The following PTPRD variants were observed in gnomAD, a reference collection of about 807,000 sequenced individuals.
The protein encoded by PTPRD is protein tyrosine phosphatase receptor type D, also known as receptor-type tyrosine-protein phosphatase delta.
Under a neutral mutation model 214.5 loss-of-function variants are expected in PTPRD, and 34 were observed. That is an observed-to-expected ratio of 0.16 (90% CI 0.12 to 0.21). The LOEUF is 0.21. Among genes scored for constraint, PTPRD ranks in the 10% least tolerant of loss-of-function variants. PTPRD has a pLI of 1.00. For missense variants in PTPRD, 2,545 were observed against 2,398.7 expected (o/e 1.06, Z -1.27); for synonymous variants, 1,128 against 845.7 (o/e 1.33, Z -5.79).
chr9:10,478,601 A>G (rs1261082689), intron 2 of PTPRD, among the ~76,000 whole-genome samples: 1 of 152,170 alleles, frequency 6.6e-6, no homozygotes, highest in Non-Finnish European at 1.5e-5. Context: ...GAAGTAGTTC[A>G]GTTTGTCTGA....
At chr9:9,024,177 G>C (rs1340184456) in intron 10 of PTPRD, among the ~76,000 whole-genome samples, 1 of 151,416 alleles carries the variant, frequency 6.6e-6, no homozygotes, top group Admixed American at 6.6e-5. Context: ...TTCATTAATA[G>C]TGCTATGTTC....
intron 5 of PTPRD, among the ~76,000 whole-genome samples, chr9:9,904,464 T>G (rs2077092568): frequency 2.0e-5 from 3 of 152,114 alleles, no homozygotes. Context: ...CACTTTTTGT[T>G]ATTCTGAATC....
chr9:10,485,273 G>T (rs911610892), intron 2 of PTPRD, among the ~76,000 whole-genome samples: 2 of 151,992 alleles, frequency 1.3e-5, no homozygotes, highest in African/African-American at 2.4e-5. Flanking sequence ...TAGCCCTGTG[G>T]TATGATTTAA....
chr9:9,521,751 A>G (rs930641827), intron 8 of PTPRD, among the ~76,000 whole-genome samples: 6 of 152,212 alleles, frequency 3.9e-5, no homozygotes, highest in Admixed American at 2.6e-4. Flanking sequence ...AATATATATT[A>G]TGATCATTTC....
chr9:9,714,623 A>G (rs1211172229), intron 7 of PTPRD, among the ~76,000 whole-genome samples: 2 of 152,222 alleles, frequency 1.3e-5, no homozygotes, highest in Non-Finnish European at 2.9e-5. Flanking sequence ...AGATTCATCT[A>G]AAGGAAACAA....
rs117669448 is a variant in PTPRD at position 9,778,177 on chromosome 9, G to C, written c.-367-11326C>G. ...ATGGAGAGGTGACATTGAAGGCAAG[G>C]CTGAAGAGGAAGGAAGTTAGGAACC... On this transcript the variant is annotated intron_variant, in intron 5 of 45. Coordinates refer to ENST00000381196, the MANE Select transcript of PTPRD (RefSeq NM_002839.4). 1.6e-4 allele frequency among the ~76,000 whole-genome samples: 25 copies of C among 152,304 alleles called. 1 individual carries two copies. The East Asian group carries it at 4.4e-3, about 27-fold the overall frequency.
intron 2 of PTPRD, among the ~76,000 whole-genome samples, chr9:10,410,752 G>A (rs912484580): frequency 6.6e-6 from 1 of 151,690 alleles, no homozygotes; most frequent in African/African-American, 2.4e-5. Flanking sequence ...GTGATCAATA[G>A]ATATAAAAGT....
intron 8 of PTPRD, among the ~76,000 whole-genome samples, chr9:9,426,530 T>A (rs1403203610): frequency 2.0e-5 from 3 of 152,034 alleles, no homozygotes; most frequent in Admixed American, 6.6e-5. Context: ...GACTTAAAGG[T>A]CCCTGTCTGA....
chr9:8,748,522 C>CAAAAAAAAAAAAAA (rs1239091825), intron 11 of PTPRD, among the ~76,000 whole-genome samples: 2 of 37,844 alleles, frequency 5.3e-5, no homozygotes, highest in Non-Finnish European at 6.1e-5. Context: ...CCTGCAACTG[C>CAAAAAAAAAAAAAA]AAAAAAAAAA....
intron 34 of PTPRD, among the ~76,000 whole-genome samples, chr9:8,440,052 C>G (rs1248850716): frequency 1.4e-5 from 2 of 143,574 alleles, no homozygotes; most frequent in African/African-American, 5.2e-5. Context: ...AGCACTGGCT[C>G]TTAGTCCTAT....
intron 3 of PTPRD, among the ~76,000 whole-genome samples, chr9:10,236,563 C>T (rs952280085): frequency 4.0e-5 from 6 of 151,778 alleles, no homozygotes; most frequent in Non-Finnish European, 7.4e-5. Flanking sequence ...ATTAGATTTC[C>T]CTTATAATTT....
intron 14 of PTPRD, among the ~76,000 whole-genome samples, chr9:8,618,985 C>T (rs1435808098): frequency 3.6e-5 from 5 of 138,808 alleles, no homozygotes; most frequent in African/African-American, 5.4e-5. Context: ...GTCTCAAACT[C>T]GTGACCTCAA....
chr9:9,484,633 T>G (rs2095552402), intron 8 of PTPRD, among the ~76,000 whole-genome samples: 1 of 152,184 alleles, frequency 6.6e-6, no homozygotes, highest in Admixed American at 6.5e-5. Context: ...TTATTTCATT[T>G]AATCCTTGCA....
chr9:8,817,460 T>C (rs1022031138), intron 11 of PTPRD, among the ~76,000 whole-genome samples: 2 of 152,124 alleles, frequency 1.3e-5, no homozygotes, highest in Admixed American at 6.6e-5. Flanking sequence ...ACAAAACAAA[T>C]TGTTTTTCTT....
intron 9 of PTPRD, among the ~76,000 whole-genome samples, chr9:9,225,239 TTATGTC>T (rs2099958668): frequency 6.6e-6 from 1 of 152,052 alleles, no homozygotes; most frequent in African/African-American, 2.4e-5. Flanking sequence ...TTTTTTTAAA[TTATGTC>T]TATGATTAGC....
chr9:9,768,946 GA>G (rs1362123264), intron 5 of PTPRD, among the ~76,000 whole-genome samples: 5 of 152,142 alleles, frequency 3.3e-5, no homozygotes, highest in African/African-American at 1.2e-4. Context: ...ATTATAATCG[GA>G]TTAAGGTTAC....
rs116593812 is a variant in PTPRD at position 9,574,436 on chromosome 9, T to C, written c.-237+296A>G. ...ACTTCATTATGAAAAATTTAATGGA[T>C]AAAATTGTTATTCATGTTCAAAGAA... On this transcript the variant is annotated intron_variant, in intron 8 of 45. Coordinates refer to ENST00000381196, the MANE Select transcript of PTPRD (RefSeq NM_002839.4). Among the ~76,000 whole-genome samples the C allele has an allele frequency of 6.9e-3, 1,057 of 152,118 alleles. 14 individuals are homozygous for C. Among genetic ancestry groups the C allele is most frequent in the African/African-American group, 0.024 (1,003 of 41,548 alleles).
chr9:9,642,081 A>C (rs369458140), intron 7 of PTPRD, among the ~76,000 whole-genome samples: 11,425 of 147,818 alleles, frequency 0.077, 1,348 homozygotes, highest in African/African-American at 0.27. Flanking sequence ...AATACTATGC[A>C]GCCATAAAAA....
intron 2 of PTPRD, among the ~76,000 whole-genome samples, chr9:10,586,672 G>C (rs1468615686): frequency 1.3e-5 from 2 of 152,032 alleles, no homozygotes; most frequent in East Asian, 1.9e-4. Context: ...AATGACTAAA[G>C]TGCCGAGAAT....
Sources: gnomAD v4.1 joint callset for allele counts (sites outside exome capture counted in the v4.1 genomes callset) on GRCh38, gnomAD v4.1.1 for gene constraint, MANE v1.5 for transcripts, NCBI Gene and HGNC (gene_info 2026-07-23, HGNC 2026-07-21) for gene names.